Variants in PGCKA1 observed in about 807,000 individuals in gnomAD.
PGCKA1 encodes PDCD10 and GCKIII kinases-associated protein 1.
chr4:37,573,173 A>C, the PGCKA1 span, among the ~76,000 whole-genome samples: 1 of 152,346 alleles, frequency 6.6e-6, no homozygotes, highest in East Asian at 1.9e-4. Context: ...GCATTTTTTG[A>C]AATGACTTTC....
chr4:37,536,487 T>G, the PGCKA1 span, among the ~76,000 whole-genome samples: 1 of 152,150 alleles, frequency 6.6e-6, no homozygotes, highest in African/African-American at 2.4e-5. Flanking sequence ...TGCAGTGATC[T>G]CCAGGCTGGA....
chr4:37,581,715 C>T, the PGCKA1 span, among the ~76,000 whole-genome samples: 1 of 152,124 alleles, frequency 6.6e-6, no homozygotes, highest in African/African-American at 2.4e-5. This position sits in a 1 kb window ranked among gnomAD's most constrained non-coding sequence, Gnocchi z 4.4. Context: ...GGTTTTGGGA[C>T]ACGTGACACA....
chr4:37,538,439 G>A, the PGCKA1 span, among the ~76,000 whole-genome samples: 2 of 152,208 alleles, frequency 1.3e-5, no homozygotes, highest in Non-Finnish European at 2.9e-5. Context: ...ATGACTGTCA[G>A]TCATCATTCT....
chr4:37,536,500 G>A, the PGCKA1 span, among the ~76,000 whole-genome samples: 1 of 152,104 alleles, frequency 6.6e-6, no homozygotes, highest in African/African-American at 2.4e-5. Context: ...AGGCTGGACT[G>A]GGGCATGGAG....
the PGCKA1 span, among the ~76,000 whole-genome samples, chr4:37,571,493 G>C: frequency 0.02 from 3,077 of 150,896 alleles, 118 homozygotes; most frequent in African/African-American, 0.072. Flanking sequence ...CTCCCGAGTG[G>C]CTGGGATTAC....
At chr4:37,511,583 C>G in the PGCKA1 span, among the ~76,000 whole-genome samples, 4 of 151,532 alleles carry the variant, frequency 2.6e-5, no homozygotes, top group Non-Finnish European at 5.9e-5. Context: ...AGATGCAAGA[C>G]AGTTGTCCTT....
At chr4:37,461,229 T>C in the PGCKA1 span, 1 of 152,236 alleles carries the variant, frequency 6.6e-6, no homozygotes, top group Non-Finnish European at 1.5e-5. Context: ...CCTTGTAATA[T>C]AATTTGAAGT....
chr4:37,550,390 CAAG>C, the PGCKA1 span, among the ~76,000 whole-genome samples: 1 of 151,946 alleles, frequency 6.6e-6, no homozygotes, highest in South Asian at 2.1e-4. Flanking sequence ...GTATATCTGT[CAAG>C]AATCATATTT....
chr4:37,531,891 CAAAA>C, the PGCKA1 span, among the ~76,000 whole-genome samples: 5 of 70,934 alleles, frequency 7.0e-5, no homozygotes, highest in Non-Finnish European at 1.2e-4. Flanking sequence ...GAATCTGTCT[CAAAA>C]AAAAAAAAAA....
At chr4:37,470,905 A>G in the PGCKA1 span, among the ~76,000 whole-genome samples, 2 of 152,182 alleles carry the variant, frequency 1.3e-5, no homozygotes, top group Non-Finnish European at 2.9e-5. Context: ...TAAAACTTCG[A>G]TAGTTCAGAA....
At chr4:37,593,301 G>C in the PGCKA1 span, among the ~76,000 whole-genome samples, 3 of 152,096 alleles carry the variant, frequency 2.0e-5, no homozygotes, top group Non-Finnish European at 4.4e-5. Context: ...TAGTGATCCA[G>C]GGTGGTAGAG....
At chr4:37,474,830 A>G in the PGCKA1 span, among the ~76,000 whole-genome samples, 1 of 152,192 alleles carries the variant, frequency 6.6e-6, no homozygotes, top group African/African-American at 2.4e-5. Flanking sequence ...CTATTTTCAC[A>G]TTAAATTAGA....
At chr4:37,562,824 G>A in the PGCKA1 span, among the ~76,000 whole-genome samples, 1 of 152,110 alleles carries the variant, frequency 6.6e-6, no homozygotes, top group Non-Finnish European at 1.5e-5. Flanking sequence ...TCGGTACTTG[G>A]CACATAATAG....
the PGCKA1 span, among the ~76,000 whole-genome samples, chr4:37,581,017 A>G: frequency 1.3e-5 from 2 of 152,070 alleles, no homozygotes; most frequent in African/African-American, 4.8e-5. The surrounding 1 kb of genome is among the most constrained non-coding windows in gnomAD (Gnocchi z 4.4). Context: ...TATCACCATT[A>G]CTACCACAGG....
the PGCKA1 span, among the ~76,000 whole-genome samples, chr4:37,575,317 G>A: frequency 6.6e-6 from 1 of 152,282 alleles, no homozygotes; most frequent in East Asian, 1.9e-4. Flanking sequence ...ATATCTCATT[G>A]TAGTTTTGAT....
chr4:37,454,678 T>C, the PGCKA1 span, among the ~76,000 whole-genome samples: 9 of 152,200 alleles, frequency 5.9e-5, no homozygotes, highest in African/African-American at 1.9e-4. Context: ...ATTTAATAAT[T>C]AGGCAAGCAT....
chr4:37,546,333 C>T, the PGCKA1 span, among the ~76,000 whole-genome samples: 6 of 152,296 alleles, frequency 3.9e-5, no homozygotes, highest in Non-Finnish European at 8.8e-5. Context: ...CTGGCCTAAA[C>T]CTGGTAGTTA....
chr4:37,577,250 G>A, the PGCKA1 span, among the ~76,000 whole-genome samples: 1 of 151,758 alleles, frequency 6.6e-6, no homozygotes. Flanking sequence ...TTACAACTTT[G>A]ATCTTGTTAT....
chr4:37,463,681 A>C, the PGCKA1 span, among the ~76,000 whole-genome samples: 1 of 152,146 alleles, frequency 6.6e-6, no homozygotes, highest in Admixed American at 6.5e-5. Context: ...CCTGAAAACA[A>C]AGGCAGATAG....
Sources: allele counts gnomAD v4.1 joint callset (sites outside exome capture counted in the v4.1 genomes callset), GRCh38; gene constraint gnomAD v4.1.1; non-coding constraint Gnocchi (gnomAD v3.1); transcripts MANE v1.5; gene names NCBI Gene and HGNC (gene_info 2026-07-23, HGNC 2026-07-21).